Variants in ANXA4 observed in about 807,000 individuals in gnomAD.
ANXA4 encodes annexin A4, also known as 35-beta calcimedin.
ANXA4 carries 39 observed loss-of-function variants against 49.8 expected under a neutral mutation model. The ratio of observed to expected loss-of-function variants is 0.78; its 90% CI spans 0.61 to 1.02. The LOEUF (loss-of-function observed/expected upper bound fraction) is 1.02, where lower values mean the gene tolerates loss of function less well. Among genes scored for constraint, ANXA4 ranks in the 50% least tolerant of loss-of-function variants. The probability of loss-of-function intolerance (pLI) is 0.00; values close to 1 mark genes in which losing one functional copy is unlikely to be tolerated. For missense variants in ANXA4, 360 were observed against 410.1 expected, an observed-to-expected ratio of 0.88 and a Z score of 1.05; for synonymous variants, 134 against 152.5, an observed-to-expected ratio of 0.88 and a Z score of 0.89.
intron 2 of ANXA4, among the ~76,000 whole-genome samples, chr2:69,671,991 A>G (rs1276843220): frequency 4.6e-5 from 7 of 152,336 alleles, no homozygotes; most frequent in African/African-American, 2.4e-5. Context: ...CAGTGATTCA[A>G]TTCTCACATG....
At chr2:69,757,113 G>T (rs1671067975) in intron 1 of ANXA4, among the ~76,000 whole-genome samples, 1 of 148,700 alleles carries the variant, frequency 6.7e-6, no homozygotes, top group African/African-American at 2.5e-5. Context: ...ATTTTCAGTA[G>T]AGACGGGGTT....
chr2:69,810,734 C>A, intron 7 of ANXA4, 61 bp downstream of exon 7: 3 of 1,378,268 alleles, frequency 2.2e-6, no homozygotes, highest in Non-Finnish European at 3.1e-6. Context: ...ATCCCCTTTG[C>A]CAGCCTTTCT....
intron 2 of ANXA4, among the ~76,000 whole-genome samples, chr2:69,682,932 G>A (rs1385023023): frequency 1.3e-5 from 2 of 152,034 alleles, no homozygotes; most frequent in African/African-American, 4.8e-5. Flanking sequence ...TTTCTAATTT[G>A]TTTAATATTT....
chr2:69,795,270 A>G (rs1261000176), intron 3 of ANXA4, among the ~76,000 whole-genome samples: 3 of 152,198 alleles, frequency 2.0e-5, no homozygotes, highest in Non-Finnish European at 2.9e-5. Flanking sequence ...CATCCATGTT[A>G]ACTGTGTGGT....
intron 1 of ANXA4, among the ~76,000 whole-genome samples, chr2:69,753,089 C>T (rs2105499518): frequency 6.6e-6 from 1 of 152,332 alleles, no homozygotes; most frequent in Non-Finnish European, 1.5e-5. Flanking sequence ...ATAGTTCTCA[C>T]ATGCCGCTTT....
chr2:69,689,054 C>G (rs1022152387), intron 2 of ANXA4, among the ~76,000 whole-genome samples: 1 of 152,096 alleles, frequency 6.6e-6, no homozygotes, highest in Non-Finnish European at 1.5e-5. Flanking sequence ...TCTTCTTCCT[C>G]TTCGAAAATA....
chr2:69,643,821 C>A (rs926060981), upstream of ANXA4: 1 of 1,183,304 alleles, frequency 8.5e-7, no homozygotes, highest in Non-Finnish European at 1.0e-6. Flanking sequence ...GGAAGTGCCC[C>A]TCGGGGCGGC....
At position 69,790,597 on chromosome 2, in the gene ANXA4, G is replaced by T. The variant is rs974109642; in HGVS notation, c.97+2456G>T. Among the ~76,000 whole-genome samples, 25 of 152,306 alleles carry T rather than the reference G, an allele frequency of 1.6e-4. No homozygotes were observed. The East Asian group carries it at 2.9e-3, about 18-fold the overall frequency. On this transcript the variant is annotated intron_variant, in intron 3 of 12. Coordinates refer to ENST00000394295, the MANE Select transcript of ANXA4 (RefSeq NM_001153.5). ...ATTCAGATGGGTTGTGCTGCTGTAA[G>T]TGGGTATATGGGGCTTGGCTTTGTT...
chr2:69,723,428 A>C (rs948994257), intron 3 of ANXA4, among the ~76,000 whole-genome samples: 1 of 152,166 alleles, frequency 6.6e-6, no homozygotes, highest in African/African-American at 2.4e-5. Flanking sequence ...GGAGGAGAGC[A>C]GGCATTTTCT....
At chr2:69,746,620 A>G (rs1670623291) in intron 1 of ANXA4, among the ~76,000 whole-genome samples, 1 of 152,064 alleles carries the variant, frequency 6.6e-6, no homozygotes. Context: ...CTGAACCACC[A>G]CCTTTGAAGA....
chr2:69,701,937 T>C (rs764177354), intron 2 of ANXA4, among the ~76,000 whole-genome samples: 15 of 152,228 alleles, frequency 9.9e-5, no homozygotes, highest in Non-Finnish European at 1.6e-4. Flanking sequence ...TAATATCTTA[T>C]GTTGCAAATA....
rs770802318 is a variant in ANXA4 at position 69,825,407 on chromosome 2, T to C, written c.907-49T>C. ...TTGGCTTAGATGACTTTGAACTGTG[T>C]GTTTCATTTTAAAATCTATTTATCT... On this transcript the variant is annotated intron_variant, in intron 12 of 12. Transcript: ENST00000394295. 7 of 1,489,742 alleles carry C rather than the reference T, an allele frequency of 4.7e-6. No individual in the cohort carries two copies. In the East Asian group the frequency reaches 1.1e-4, roughly 24 times the overall value. The allele number at this position is 1,489,742 out of a possible 1,614,324, so 92.3% of individuals were successfully genotyped here.
chr2:69,677,878 C>G (rs1028426093), intron 2 of ANXA4, among the ~76,000 whole-genome samples: 4 of 152,226 alleles, frequency 2.6e-5, no homozygotes, highest in Admixed American at 6.5e-5. Context: ...CTGAGCATCT[C>G]CCTTCTCCCC....
At chr2:69,655,670 A>G (rs1223618087) in intron 2 of ANXA4, among the ~76,000 whole-genome samples, 1 of 152,218 alleles carries the variant, frequency 6.6e-6, no homozygotes, top group Non-Finnish European at 1.5e-5. Flanking sequence ...CAGCAATCCC[A>G]TTACTGAGTA....
chr2:69,766,851 G>A (rs1479931113), intron 1 of ANXA4, among the ~76,000 whole-genome samples: 1 of 152,170 alleles, frequency 6.6e-6, no homozygotes, highest in East Asian at 1.9e-4. Flanking sequence ...GCTATAAAGT[G>A]GAGGGGTGGG....
intron 1 of ANXA4, among the ~76,000 whole-genome samples, chr2:69,757,921 T>C (rs1173430332): frequency 7.1e-6 from 1 of 140,840 alleles, no homozygotes; most frequent in Non-Finnish European, 1.5e-5. Flanking sequence ...ATCGTGCCAC[T>C]GCACTCCAGC....
At chr2:69,730,439 T>C (rs574533993) in intron 3 of ANXA4, among the ~76,000 whole-genome samples, 1 of 152,152 alleles carries the variant, frequency 6.6e-6, no homozygotes, top group South Asian at 2.1e-4. Context: ...GAGGCAGAGG[T>C]TACAGTGAGC....
At chr2:69,707,608 C>T (rs1251661035) in intron 2 of ANXA4, among the ~76,000 whole-genome samples, 4 of 152,144 alleles carry the variant, frequency 2.6e-5, no homozygotes, top group African/African-American at 7.2e-5. Flanking sequence ...TTTGTAGGTA[C>T]ATAGTAGGTG....
chr2:69,768,647 G>A (rs772212535), intron 1 of ANXA4, among the ~76,000 whole-genome samples: 1 of 152,226 alleles, frequency 6.6e-6, no homozygotes, highest in African/African-American at 2.4e-5. Context: ...ATGAGTAGGT[G>A]AATGAACATG....
Sources: allele counts gnomAD v4.1 joint callset (sites outside exome capture counted in the v4.1 genomes callset), GRCh38; gene constraint gnomAD v4.1.1; transcripts MANE v1.5; gene names NCBI Gene and HGNC (gene_info 2026-07-23, HGNC 2026-07-21).